The following NHSL3 variants were observed in gnomAD, a reference collection of about 807,000 sequenced individuals.
NHSL3 encodes NHS-like protein 3.
chr1:32,772,556 C>T, the NHSL3 span: 13 of 1,427,342 alleles, frequency 9.1e-6, no homozygotes, highest in Non-Finnish European at 1.2e-5. Flanking sequence ...TCTGAGAATG[C>T]CTGGGAAGGG....
At chr1:32,767,906 G>A in the NHSL3 span, 1 of 1,613,982 alleles carries the variant, frequency 6.2e-7, no homozygotes, top group Admixed American at 1.7e-5. Context: ...CCCCCACCTG[G>A]AAGAGCTGCA....
the NHSL3 span, chr1:32,770,616 G>C: frequency 6.6e-7 from 1 of 1,515,988 alleles, no homozygotes; most frequent in African/African-American, 1.4e-5. This position sits in a 1 kb window ranked among gnomAD's most constrained non-coding sequence, Gnocchi z 8.3. Flanking sequence ...TCAGCATTCG[G>C]AGCAGTGGGC....
the NHSL3 span, among the ~76,000 whole-genome samples, chr1:32,763,675 G>A: frequency 5.3e-5 from 8 of 152,156 alleles, no homozygotes; most frequent in Admixed American, 2.0e-4. Context: ...GGGTTCAAGC[G>A]ATTCTCCTGC....
At chr1:32,742,225 G>A in the NHSL3 span, 7 of 1,240,720 alleles carry the variant, frequency 5.6e-6, no homozygotes, top group Non-Finnish European at 6.0e-6. Flanking sequence ...GCGCGGGGGG[G>A]CGTCGAGGGT....
chr1:32,754,178 C>A, the NHSL3 span: 4 of 710,500 alleles, frequency 5.6e-6, no homozygotes, highest in African/African-American at 5.3e-5. Flanking sequence ...AAGCGGCCGG[C>A]AGGTAGGGGC....
At chr1:32,756,797 C>T in the NHSL3 span, among the ~76,000 whole-genome samples, 1 of 151,842 alleles carries the variant, frequency 6.6e-6, no homozygotes, top group Non-Finnish European at 1.5e-5. Context: ...GGTGAAACCC[C>T]GTCTCTACTA....
At chr1:32,755,996 G>A in the NHSL3 span, among the ~76,000 whole-genome samples, 1 of 152,328 alleles carries the variant, frequency 6.6e-6, no homozygotes, top group African/African-American at 2.4e-5. Context: ...AAGATAAGAA[G>A]GCTGTGTTTA....
the NHSL3 span, chr1:32,772,728 T>C: frequency 1.3e-5 from 12 of 904,076 alleles, no homozygotes; most frequent in Non-Finnish European, 2.0e-5. Flanking sequence ...GTGTAGGGTG[T>C]CCAGCCCAGT....
chr1:32,765,727 A>T, the NHSL3 span: 1 of 1,544,572 alleles, frequency 6.5e-7, no homozygotes. Context: ...TGCTCTGGAG[A>T]GGCAGGGTGG....
At chr1:32,757,194 A>T in the NHSL3 span, among the ~76,000 whole-genome samples, 1 of 152,170 alleles carries the variant, frequency 6.6e-6, no homozygotes, top group East Asian at 1.9e-4. Context: ...TACTCATTTC[A>T]TTAGTCTGTG....
At chr1:32,754,176 G>A in the NHSL3 span, 1 of 711,210 alleles carries the variant, frequency 1.4e-6, no homozygotes, top group Admixed American at 2.0e-5. Flanking sequence ...CGAAGCGGCC[G>A]GCAGGTAGGG....
At chr1:32,742,297 G>C in the NHSL3 span, 4 of 1,074,914 alleles carry the variant, frequency 3.7e-6, no homozygotes, top group Non-Finnish European at 4.7e-6. Flanking sequence ...TGACCCCCAG[G>C]AGCTGGTGCT....
chr1:32,764,567 A>G, the NHSL3 span, among the ~76,000 whole-genome samples: 2 of 151,476 alleles, frequency 1.3e-5, no homozygotes, highest in Admixed American at 1.3e-4. Flanking sequence ...TCCCAGGTTC[A>G]AGAGATTCTC....
the NHSL3 span, among the ~76,000 whole-genome samples, chr1:32,743,418 G>A: frequency 2.6e-5 from 4 of 152,204 alleles, no homozygotes; most frequent in South Asian, 8.3e-4. Context: ...ACATAGAAGT[G>A]AGGGTGCTGG....
chr1:32,767,795 A>G, the NHSL3 span: 1 of 1,609,860 alleles, frequency 6.2e-7, no homozygotes, highest in Non-Finnish European at 8.5e-7. Context: ...AGGCTCTGCC[A>G]AGGCTGAGAA....
chr1:32,770,071 C>T, the NHSL3 span: 142 of 1,560,570 alleles, frequency 9.1e-5, no homozygotes, highest in East Asian at 1.6e-3. This position sits in a 1 kb window ranked among gnomAD's most constrained non-coding sequence, Gnocchi z 8.3. Flanking sequence ...CCACATTGAC[C>T]GTGTCTACCG....
At chr1:32,761,689 A>T in the NHSL3 span, among the ~76,000 whole-genome samples, 6 of 152,220 alleles carry the variant, frequency 3.9e-5, no homozygotes, top group Non-Finnish European at 8.8e-5. Flanking sequence ...TGTAAGAGCC[A>T]TGAGGACAGA....
the NHSL3 span, among the ~76,000 whole-genome samples, chr1:32,761,102 G>T: frequency 6.6e-6 from 1 of 152,180 alleles, no homozygotes; most frequent in African/African-American, 2.4e-5. Context: ...TTGGGGATGG[G>T]GGTGTGGTAT....
chr1:32,771,544 C>G, the NHSL3 span: 4 of 1,605,134 alleles, frequency 2.5e-6, no homozygotes, highest in Admixed American at 3.4e-5. Context: ...TGACTTCCCC[C>G]CACCAGAGGA....
Sources: gnomAD v4.1 joint callset for allele counts (sites outside exome capture counted in the v4.1 genomes callset) on GRCh38, gnomAD v4.1.1 for gene constraint, Gnocchi (gnomAD v3.1) non-coding constraint, MANE v1.5 for transcripts, NCBI Gene and HGNC (gene_info 2026-07-23, HGNC 2026-07-21) for gene names.